The following GNAL variants were observed in gnomAD, a reference collection of about 807,000 sequenced individuals.
GNAL encodes the protein guanine nucleotide-binding protein G(olf) subunit alpha.
In GNAL, 18 loss-of-function variants were observed where a neutral mutation model predicts 55.1. The observed-to-expected ratio is 0.33, with a 90% CI of 0.23 to 0.48. The LOEUF is 0.48. Among genes scored for constraint, GNAL ranks in the 20% least tolerant of loss-of-function variants. The probability of loss-of-function intolerance (pLI) is 0.99; values close to 1 mark genes in which losing one functional copy is unlikely to be tolerated. For missense variants in GNAL, 412 were observed against 614.1 expected, an observed-to-expected ratio of 0.67 and a Z score of 3.48; for synonymous variants, 253 against 237.0, an observed-to-expected ratio of 1.07 and a Z score of -0.62.
At chr18:11,827,057 G>A (rs949231241) in intron 5 of GNAL, among the ~76,000 whole-genome samples, 1 of 152,192 alleles carries the variant, frequency 6.6e-6, no homozygotes, top group African/African-American at 2.4e-5. Context: ...ATGCTGGAGA[G>A]ACCCGGAAGG....
At chr18:11,727,124 A>ACC (rs1370415720) in intron 1 of GNAL, among the ~76,000 whole-genome samples, 1 of 151,674 alleles carries the variant, frequency 6.6e-6, no homozygotes, top group East Asian at 1.9e-4. Flanking sequence ...CCCTGCTTAC[A>ACC]CCCTGTGCCC....
At chr18:11,860,216 T>C (rs946031744) in intron 5 of GNAL, among the ~76,000 whole-genome samples, 6 of 152,148 alleles carry the variant, frequency 3.9e-5, no homozygotes, top group South Asian at 2.1e-4. Flanking sequence ...GCAGATCCAC[T>C]CCTGCCCCTT....
intron 5 of GNAL, among the ~76,000 whole-genome samples, chr18:11,844,816 A>T (rs1471325076): frequency 6.6e-6 from 1 of 152,112 alleles, no homozygotes; most frequent in Non-Finnish European, 1.5e-5. Flanking sequence ...TAACTGGCCA[A>T]TTTGTACATT....
chr18:11,827,070 G>A (rs914437060), intron 5 of GNAL, among the ~76,000 whole-genome samples: 1 of 152,184 alleles, frequency 6.6e-6, no homozygotes, highest in Non-Finnish European at 1.5e-5. Context: ...CCGGAAGGAG[G>A]AGGGCTGATG....
At chr18:11,757,649 A>G (rs1426510344) in intron 4 of GNAL, among the ~76,000 whole-genome samples, 2 of 152,178 alleles carry the variant, frequency 1.3e-5, no homozygotes, top group East Asian at 1.9e-4. Flanking sequence ...GAATTTCTGC[A>G]TAGAAGGTAG....
Position 11,884,863 on chromosome 18 carries a change from T to C in GNAL, c.*3728T>C. The stretch of plus-strand genomic sequence containing the variant: ...GGCCCAAGTGTGCCTGAGTGGAAAA[T>C]GTCTGGGACACTGACCTGTCAAAAC... On this transcript the variant is annotated 3_prime_UTR_variant, in exon 12 of 12. Transcript: ENST00000334049. The C allele has an allele frequency of 7.4e-7, 1 of 1,355,042 alleles. No homozygotes were observed. Among genetic ancestry groups the C allele is most frequent in the Non-Finnish European group, 9.5e-7 (1 of 1,049,542 alleles). 83.9% of individuals were successfully genotyped at this position (1,355,042 alleles called of 1,614,324 possible).
intron 5 of GNAL, among the ~76,000 whole-genome samples, chr18:11,845,311 G>A (rs370204548): frequency 4.0e-4 from 61 of 152,226 alleles, no homozygotes; most frequent in African/African-American, 1.0e-3. Context: ...CTTCAGGTTT[G>A]TAATAGTAAA....
rs187116313 is a variant in GNAL at position 11,840,995 on chromosome 18, C to G, written c.722+15980C>G. ...CTCAAGTGACCTCCCACCTCAGCCA[C>G]CTGAATAGCCAAGATCACAGATGTG... On this transcript the variant is annotated intron_variant, in intron 5 of 11. Coordinates refer to ENST00000334049, the MANE Select transcript of GNAL (RefSeq NM_182978.4). Among the ~76,000 whole-genome samples, 426 of 151,772 alleles carry G rather than the reference C, an allele frequency of 2.8e-3. 2 individuals are homozygous for G. The highest frequency in any genetic ancestry group is 1.0e-2 in the African/African-American group (412 of 41,370).
At chr18:11,747,598 G>A (rs2032716710) in intron 1 of GNAL, 1 of 122,388 alleles carries the variant, frequency 8.2e-6, no homozygotes, top group Non-Finnish European at 1.8e-5. Context: ...AAATGTTCTT[G>A]TTGTGAAGGA....
chr18:11,710,118 G>A (rs148326724), intron 1 of GNAL, among the ~76,000 whole-genome samples: 6 of 152,182 alleles, frequency 3.9e-5, no homozygotes, highest in South Asian at 2.1e-4. Context: ...TGATTTACAC[G>A]TGTTGAATCA....
chr18:11,830,868 T>C (rs920019928), intron 5 of GNAL, among the ~76,000 whole-genome samples: 7 of 151,904 alleles, frequency 4.6e-5, no homozygotes, highest in African/African-American at 1.7e-4. Context: ...GTGAAAGAAA[T>C]AAGACACAAA....
rs2032815938 is a variant in GNAL at position 11,751,223 on chromosome 18, A to T, written c.377-1630A>T. 6.6e-6 allele frequency among the ~76,000 whole-genome samples: 1 copy of T among 151,394 alleles called. No individual in the cohort carries two copies. Among genetic ancestry groups the T allele is most frequent in the African/African-American group, 2.4e-5 (1 of 41,148 alleles). Reference sequence around the variant, plus strand: ...GACTTCGGCCCGGCCCCCTCTTCTGACCTCCTTCCCCCAAGTACAACACTG... The same window carrying T: ...GACTTCGGCCCGGCCCCCTCTTCTGTCCTCCTTCCCCCAAGTACAACACTG... On this transcript the variant is annotated intron_variant, in intron 1 of 11. Coordinates refer to ENST00000334049, the MANE Select transcript of GNAL (RefSeq NM_182978.4). This position sits in a 1 kb window ranked among gnomAD's most constrained non-coding sequence, Gnocchi z 4.5.
chr18:11,753,488 G>T, intron 2 of GNAL, 140 bp from the exon 3 acceptor site: 2 of 585,684 alleles, frequency 3.4e-6, no homozygotes, highest in East Asian at 5.7e-5. Context: ...AAACCTTTGC[G>T]GATGTCTTGG....
chr18:11,802,522 C>T (rs1476994869), intron 4 of GNAL, among the ~76,000 whole-genome samples: 1 of 152,206 alleles, frequency 6.6e-6, no homozygotes, highest in Non-Finnish European at 1.5e-5. Context: ...TAGTCCACAT[C>T]CCTGACCTCT....
At chr18:11,807,158 CAA>C (rs937595681) in intron 4 of GNAL, among the ~76,000 whole-genome samples, 6 of 136,370 alleles carry the variant, frequency 4.4e-5, no homozygotes, top group African/African-American at 2.7e-5. Context: ...GACTCTGTCT[CAA>C]AAAAAAAAAA....
At chr18:11,698,158 G>A (rs2031465848) in intron 1 of GNAL, among the ~76,000 whole-genome samples, 2 of 152,170 alleles carry the variant, frequency 1.3e-5, no homozygotes, top group South Asian at 4.1e-4. Context: ...GGTTTCTGGA[G>A]GAAGGCAGTG....
intron 11 of GNAL, among the ~76,000 whole-genome samples, chr18:11,877,478 T>A (rs1439771179): frequency 6.6e-6 from 1 of 151,804 alleles, no homozygotes; most frequent in African/African-American, 2.4e-5. Flanking sequence ...AAAACTCCCA[T>A]ATAGTCTTTA....
At chr18:11,705,512 G>T (rs948350160) in intron 1 of GNAL, among the ~76,000 whole-genome samples, 1 of 152,000 alleles carries the variant, frequency 6.6e-6, no homozygotes, top group African/African-American at 2.4e-5. Context: ...TCTATATTTT[G>T]ATTTTTTAAA....
chr18:11,750,153 A>G (rs2032782686), intron 1 of GNAL, among the ~76,000 whole-genome samples: 1 of 152,208 alleles, frequency 6.6e-6, no homozygotes, highest in Non-Finnish European at 1.5e-5. Flanking sequence ...GGGATGCGGT[A>G]ACTGTTGGGG....
Sources: allele counts gnomAD v4.1 joint callset (sites outside exome capture counted in the v4.1 genomes callset), GRCh38; gene constraint gnomAD v4.1.1; non-coding constraint Gnocchi (gnomAD v3.1); transcripts MANE v1.5; gene names NCBI Gene and HGNC (gene_info 2026-07-23, HGNC 2026-07-21).